ERMARD: variants seen among roughly 807,000 people sequenced by gnomAD.
ERMARD encodes ER membrane associated RNA degradation.
In ERMARD, 71 loss-of-function variants were observed where a neutral mutation model predicts 83.9. That is an observed-to-expected ratio of 0.85 (90% CI 0.70 to 1.03). The LOEUF (loss-of-function observed/expected upper bound fraction) is 1.03, where lower values mean the gene tolerates loss of function less well. Ranked by LOEUF, ERMARD falls within the 50% of genes least tolerant of loss-of-function variation. ERMARD has a pLI of 0.00. For synonymous variants in ERMARD, 284 were observed against 298.6 expected (o/e 0.95, Z 0.50); for missense variants, 838 against 810.9 (o/e 1.03, Z -0.41).
intron 3 of ERMARD, chr6:169,755,657 G>A: frequency 2.1e-6 from 1 of 483,570 alleles, no homozygotes; most frequent in Non-Finnish European, 3.6e-6. Context: ...ATTAGGGGTT[G>A]GAGAGCTAAC....
chr6:169,751,631 G>A lies in ERMARD; in HGVS notation c.-27G>A. The A allele has an allele frequency of 6.4e-7, 1 of 1,571,132 alleles. No homozygotes were observed. Among genetic ancestry groups the A allele is most frequent in the South Asian group, 1.1e-5 (1 of 87,228 alleles). On this transcript the variant is annotated 5_prime_UTR_variant, in exon 1 of 18. Transcript: ENST00000366773. ...GCGCGCAGGCGCCTGCGTCATTCAC[G>A]CGCGCCGCAGCGGGGCACCGGAAGT...
chr6:169,780,454 C>T (rs2128370392), intron 17 of ERMARD, among the ~76,000 whole-genome samples: 2 of 152,296 alleles, frequency 1.3e-5, no homozygotes, highest in South Asian at 4.1e-4. Flanking sequence ...TGAAAACTAC[C>T]TGGCAAATGT....
intron 8 of ERMARD, among the ~76,000 whole-genome samples, chr6:169,761,086 C>T (rs1244090704): frequency 6.6e-6 from 1 of 152,176 alleles, no homozygotes; most frequent in African/African-American, 2.4e-5. Flanking sequence ...GTTTCTGTTT[C>T]CTGAGGAGCA....
intron 16 of ERMARD, among the ~76,000 whole-genome samples, chr6:169,778,133 A>C (rs1294232874): frequency 6.6e-6 from 1 of 152,230 alleles, no homozygotes; most frequent in East Asian, 1.9e-4. Context: ...GGGGGACAGG[A>C]GAAAACCCAT....
In ERMARD at chr6:169,768,083, A is replaced by G; in HGVS notation, c.991-20A>G. On this transcript the variant is annotated intron_variant, in intron 10 of 17. Transcript: ENST00000366773. ...TGTATGGGGACCAGTTAACCAATGT[A>G]TTTATTTTTGATGTTTTAGATATTG... 5.0e-6 allele frequency: 8 copies of G among 1,600,060 alleles called. No homozygotes were observed. Among genetic ancestry groups the G allele is most frequent in the Non-Finnish European group, 5.1e-6 (6 of 1,167,318 alleles).
In ERMARD at chr6:169,779,200, T is replaced by G. The variant is rs79095717; in HGVS notation, c.1758T>G (p.Pro586=). ...TTTTTAGTATCAGACTACTGTCCCC[T>G]GTGCTCAGCCTGATACTGTTACTCA... ...RMWSSIRLLS[P]VLSLILLLIA... is the part of the protein sequence containing the mutation. Residue 586 remains proline, a synonymous_variant, in exon 17 of 18, where the codon CCT becomes CCG. Coordinates refer to ENST00000366773, the MANE Select transcript of ERMARD (RefSeq NM_018341.3). The G allele has an allele frequency of 6.2e-7, 1 of 1,614,214 alleles. No homozygotes were observed. The highest frequency in any genetic ancestry group is 1.7e-5 in the Admixed American group (1 of 60,036).
chr6:169,769,828 G>A, intron 12 of ERMARD, 115 bp downstream of exon 12: 1 of 959,344 alleles, frequency 1.0e-6, no homozygotes, highest in Non-Finnish European at 1.5e-6. Flanking sequence ...CTGAGTTACA[G>A]TATCCTCCAT....
chr6:169,773,083 T>C (rs1300652464), intron 12 of ERMARD: 1 of 441,046 alleles, frequency 2.3e-6, no homozygotes, highest in African/African-American at 2.0e-5. Flanking sequence ...GCACAGAGGG[T>C]GGGTGTGGCA....
intron 2 of ERMARD, 128 bp from the exon 3 acceptor site, chr6:169,755,155 A>T: frequency 9.3e-7 from 1 of 1,079,116 alleles, no homozygotes; most frequent in Non-Finnish European, 1.3e-6. Flanking sequence ...TCATATGTTC[A>T]ATGGTAAGCT....
At position 169,754,024 on chromosome 6, in the gene ERMARD, C is replaced by G; in HGVS notation, c.167C>G (p.Thr56Arg). The G allele has an allele frequency of 6.2e-7, 1 of 1,610,374 alleles. No individual in the cohort carries two copies. Among genetic ancestry groups the G allele is most frequent in the Non-Finnish European group, 8.5e-7 (1 of 1,177,680 alleles). Residue 56 changes from threonine to arginine, a missense_variant, in exon 2 of 18, where the codon ACA becomes AGA. By Grantham distance (71) the Thr-to-Arg change is moderately conservative. Coordinates refer to ENST00000366773, the MANE Select transcript of ERMARD (RefSeq NM_018341.3). ...ACAATCACAGACTGTGTGAGCTACA[C>G]AGAGTCAGGTTTGTGCTGTCTTTGT... The part of the protein sequence containing the change: ...WKTITDCVSY[T>R]ESEQGLDYWG...
rs548174427 is a variant in ERMARD, at chr6:169,758,988, C to T, written c.528C>T (p.Phe176=). Residue 176 remains phenylalanine, a synonymous_variant, in exon 6 of 18, where the codon TTC becomes TTT. Coordinates refer to ENST00000366773, the MANE Select transcript of ERMARD (RefSeq NM_018341.3). ...SQSVMNVLKV[F]VGSPCGLNLR... ...ATTAGATGAATGTGCTAAAAGTCTT[C>T]GTTGGCTCTCCGTGTGGTCTCAACC... The T allele has an allele frequency of 6.2e-6, 10 of 1,613,842 alleles. No individual in the cohort carries two copies. Among genetic ancestry groups the T allele is most frequent in the Middle Eastern group, 1.6e-4 (1 of 6,062 alleles).
chr6:169,753,843 T>C (rs1462607440), intron 1 of ERMARD, 21 bp from the exon 2 acceptor site: 1 of 1,490,064 alleles, frequency 6.7e-7, no homozygotes, highest in East Asian at 2.5e-5. Context: ...GCAGTGCCTT[T>C]TATTTTATTT....
Position 169,762,422 on chromosome 6 carries a change from T to G in ERMARD, c.858-7T>G. 1 of 1,611,036 alleles carries G rather than the reference T, an allele frequency of 6.2e-7. No homozygotes were observed. The highest frequency in any genetic ancestry group is 1.1e-5 in the South Asian group (1 of 90,266). On this transcript the variant is annotated splice_polypyrimidine_tract_variant and splice_region_variant and intron_variant, in intron 8 of 17. Transcript: ENST00000366773. ...GAGTTTTACCTCTTTTCCCTTCAATTTCATAGGTTTGCTGACTGCGCCATA... is the reference window on the plus strand; with the variant it reads ...GAGTTTTACCTCTTTTCCCTTCAATGTCATAGGTTTGCTGACTGCGCCATA...
chr6:169,762,411 T>C lies in ERMARD; in HGVS notation c.858-18T>C, dbSNP rs1791667109. On this transcript the variant is annotated intron_variant, in intron 8 of 17. Transcript: ENST00000366773. ...TTTGAAATGTGGAGTTTTACCTCTT[T>C]TCCCTTCAATTTCATAGGTTTGCTG... 2 of 1,603,706 alleles carry C rather than the reference T, an allele frequency of 1.2e-6. No individual in the cohort carries two copies. Among genetic ancestry groups the C allele is most frequent in the Non-Finnish European group, 1.7e-6 (2 of 1,171,986 alleles).
rs567330049 is a variant in ERMARD at position 169,766,507 on chromosome 6, A to G, written c.961-131A>G. ...GACATTCCTCTCATAGTGTTTCTAGATGAATGTTTGTTTTAACAAAAAACT... is the reference window on the plus strand; with the variant it reads ...GACATTCCTCTCATAGTGTTTCTAGGTGAATGTTTGTTTTAACAAAAAACT... On this transcript the variant is annotated intron_variant, in intron 9 of 17. Transcript: ENST00000366773. 135 of 621,100 alleles carry G rather than the reference A, an allele frequency of 2.2e-4. No individual in the cohort carries two copies. The Middle Eastern group carries it at 8.4e-3, about 39-fold the overall frequency. The allele number at this position is 621,100 out of a possible 1,614,324, so 38.5% of individuals were successfully genotyped here.
At chr6:169,774,107 G>A (rs544822215) in intron 13 of ERMARD, among the ~76,000 whole-genome samples, 30 of 152,300 alleles carry the variant, frequency 2.0e-4, no homozygotes, top group African/African-American at 6.3e-4. Flanking sequence ...AGGCCGAGGC[G>A]GGCGGATCAC....
At chr6:169,766,234 T>G (rs9397001) in intron 9 of ERMARD, among the ~76,000 whole-genome samples, 14,420 of 152,236 alleles carry the variant, frequency 0.095, 1,801 homozygotes, top group East Asian at 0.6. Context: ...AGAAGCAGCG[T>G]GCATGAAATA....
At chr6:169,751,306 C>T (rs539340706), upstream of ERMARD, 3 of 1,601,952 alleles carry the variant, frequency 1.9e-6, no homozygotes, top group Admixed American at 3.4e-5. Flanking sequence ...TCGGACATAG[C>T]CGTCTCGGGC....
chr6:169,758,805 C>T (rs1040085511), intron 5 of ERMARD, among the ~76,000 whole-genome samples, 163 bp from the exon 6 acceptor site: 8 of 152,256 alleles, frequency 5.3e-5, no homozygotes, highest in Middle Eastern at 3.4e-3. Flanking sequence ...ATGTGTCTAG[C>T]ACATATTAAA....
Sources: allele counts gnomAD v4.1 joint callset (sites outside exome capture counted in the v4.1 genomes callset), GRCh38; gene constraint gnomAD v4.1.1; transcripts MANE v1.5; gene names NCBI Gene and HGNC (gene_info 2026-07-23, HGNC 2026-07-21).